Variants in ATG14 observed in about 807,000 individuals in gnomAD.
ATG14 encodes the protein beclin 1-associated autophagy-related key regulator.
In ATG14, 35 loss-of-function variants were observed where a neutral mutation model predicts 60.4. The observed-to-expected ratio is 0.58, with a 90% CI of 0.44 to 0.77. The LOEUF is 0.77. Ranked by LOEUF, ATG14 falls within the 30% of genes least tolerant of loss-of-function variation. The pLI is 0.00. For synonymous variants in ATG14, 234 were observed against 228.8 expected, an observed-to-expected ratio of 1.02 and a Z score of -0.21; for missense variants, 647 against 626.3, an observed-to-expected ratio of 1.03 and a Z score of -0.35.
At chr14:55,379,861 C>G (rs572128692) in intron 7 of ATG14, among the ~76,000 whole-genome samples, 9 of 152,324 alleles carry the variant, frequency 5.9e-5, no homozygotes, top group Admixed American at 5.2e-4. Context: ...AGCTGGGATA[C>G]AGGCGCAGGC....
chr14:55,404,194 C>T (rs535376091), intron 1 of ATG14, among the ~76,000 whole-genome samples: 8 of 152,288 alleles, frequency 5.3e-5, no homozygotes, highest in African/African-American at 1.9e-4. Context: ...ACTACAAATT[C>T]ATCTGAAAAA....
intron 4 of ATG14, among the ~76,000 whole-genome samples, chr14:55,387,112 G>A (rs1234230398): frequency 6.6e-6 from 1 of 151,744 alleles, no homozygotes; most frequent in Non-Finnish European, 1.5e-5. Flanking sequence ...TCGACTCCAC[G>A]CCTTCATGCC....
intron 1 of ATG14, among the ~76,000 whole-genome samples, chr14:55,400,023 T>C (rs2140147586): frequency 6.6e-6 from 1 of 152,348 alleles, no homozygotes; most frequent in South Asian, 2.1e-4. Flanking sequence ...AAACAGCAAT[T>C]ACTTTTGCAC....
At chr14:55,383,242 G>GA (rs558554382) in intron 5 of ATG14, among the ~76,000 whole-genome samples, 8,673 of 151,726 alleles carry the variant, frequency 0.057, 304 homozygotes, top group South Asian at 0.088. Flanking sequence ...ATATTCGGGG[G>GA]AAAAAAAGAA....
chr14:55,386,799 G>T (rs1885132682), intron 4 of ATG14, among the ~76,000 whole-genome samples: 1 of 152,158 alleles, frequency 6.6e-6, no homozygotes. Context: ...ACCTGCTAGG[G>T]CTGTTGGGCT....
chr14:55,385,818 AC>A, intron 5 of ATG14, 40 bp downstream of exon 5: 2 of 1,493,628 alleles, frequency 1.3e-6, no homozygotes, highest in Non-Finnish European at 1.8e-6. Context: ...AGTATTTGGA[AC>A]TTGATCTATT....
chr14:55,370,316 T>A (rs550031465), intron 9 of ATG14, among the ~76,000 whole-genome samples: 22 of 152,242 alleles, frequency 1.4e-4, no homozygotes, highest in Non-Finnish European at 2.9e-4. Context: ...AGCCACTTGA[T>A]GTATACTCTG....
rs368639112 is a variant in ATG14 at position 55,390,900 on chromosome 14, G to A, written c.409+11C>T. On this transcript the variant is annotated intron_variant, in intron 4 of 9. Transcript: ENST00000247178. Reference sequence around the variant, plus strand: ...TTTCTAGGGCTGGAAGGAAGGACACGAATTACTTACTTTTCTCCATTTCTT... The same window carrying A: ...TTTCTAGGGCTGGAAGGAAGGACACAAATTACTTACTTTTCTCCATTTCTT... 3.3e-5 allele frequency: 52 copies of A among 1,554,672 alleles called. No homozygotes were observed. Among genetic ancestry groups the A allele is most frequent in the African/African-American group, 1.1e-4 (8 of 73,944 alleles).
intron 9 of ATG14, among the ~76,000 whole-genome samples, chr14:55,372,223 TC>T (rs768858735): frequency 1.3e-5 from 2 of 152,112 alleles, no homozygotes; most frequent in Non-Finnish European, 2.9e-5. Context: ...CTACCTGTTA[TC>T]ATTAAATAAG....
chr14:55,380,555 C>A lies in ATG14; in HGVS notation c.995+18G>T. The stretch of plus-strand genomic sequence containing the variant: ...AAGAGCCATGATAAAGATGACATTA[C>A]CACCTTCAATTACTTGCCTGTTGCA... On this transcript the variant is annotated intron_variant, in intron 7 of 9. Coordinates refer to ENST00000247178, the MANE Select transcript of ATG14 (RefSeq NM_014924.5). 3 of 1,488,590 alleles carry A rather than the reference C, an allele frequency of 2.0e-6. No homozygotes were observed. Among genetic ancestry groups the A allele is most frequent in the South Asian group, 1.2e-5 (1 of 86,026 alleles). The allele number at this position is 1,488,590 out of a possible 1,614,324, so 92.2% of individuals were successfully genotyped here. A position where few individuals can be genotyped will look rare whatever the true frequency, so the allele number is the denominator to read the frequency against.
chr14:55,380,817 T>C (rs1885017190), intron 6 of ATG14, 127 bp from the exon 7 acceptor site: 1 of 389,340 alleles, frequency 2.6e-6, no homozygotes, highest in Non-Finnish European at 4.6e-6. Context: ...CCTTAATAGA[T>C]GCTCCATGAC....
At chr14:55,391,044 A>T (rs747949426) in intron 3 of ATG14, 52 bp from the exon 4 acceptor site, 94 of 1,221,360 alleles carry the variant, frequency 7.7e-5, no homozygotes, top group South Asian at 3.1e-4. Context: ...TATGGTTAAT[A>T]TGATTATCTA....
intron 5 of ATG14, among the ~76,000 whole-genome samples, chr14:55,384,468 T>C (rs539880794): frequency 6.6e-5 from 10 of 152,336 alleles, no homozygotes; most frequent in African/African-American, 2.4e-4. Context: ...AATATCTCTT[T>C]TGGGGTTCAG....
chr14:55,395,977 A>T lies in ATG14; in HGVS notation c.290T>A (p.Leu97Ter). 6.3e-7 allele frequency: 1 copy of T among 1,588,836 alleles called. No individual in the cohort carries two copies. The highest frequency in any genetic ancestry group is 1.8e-5 in the Admixed American group (1 of 55,896). The change falls in exon 3 of 10, where the codon TTA (leucine) becomes TAA (stop). Residue 97 changes from leucine (L) to a stop codon, truncating the protein, a stop_gained. Transcript: ENST00000247178. LOFTEE classifies it high-confidence loss of function. ...TATCCATTTTCCTTCCATAGCTTTTAACACTCTGTGAGGAAAAGAGACAGA... is the reference window on the plus strand; with the variant it reads ...TATCCATTTTCCTTCCATAGCTTTTTACACTCTGTGAGGAAAAGAGACAGA... Reference protein sequence around the residue: ...SKQEEFQKEVLKAMEGKWITD... With the variant: ...SKQEEFQKEV
At chr14:55,406,217 T>C (rs773983455) in intron 1 of ATG14, among the ~76,000 whole-genome samples, 2 of 152,140 alleles carry the variant, frequency 1.3e-5, no homozygotes, top group African/African-American at 2.4e-5. Context: ...AGCTAGTCTG[T>C]TAATGAAACC....
At chr14:55,388,910 T>C (rs1201983966) in intron 4 of ATG14, among the ~76,000 whole-genome samples, 1 of 152,074 alleles carries the variant, frequency 6.6e-6, no homozygotes, top group Non-Finnish European at 1.5e-5. Flanking sequence ...CCAGTCATGA[T>C]GAGAGGAGGA....
At chr14:55,372,856 G>C (rs1025829013) in intron 9 of ATG14, among the ~76,000 whole-genome samples, 1 of 152,122 alleles carries the variant, frequency 6.6e-6, no homozygotes, top group Non-Finnish European at 1.5e-5. Context: ...GGTGGACTCC[G>C]GTTCTCTGCG....
At position 55,367,223 on chromosome 14, in the gene ATG14, C is replaced by T. The variant is rs912169231; in HGVS notation, c.*2396G>A. The T allele has an allele frequency of 5.3e-5, 8 of 152,218 alleles. No individual in the cohort carries two copies. Among genetic ancestry groups the T allele is most frequent in the Non-Finnish European group, 1.2e-4 (8 of 68,040 alleles). 9.4% of individuals were successfully genotyped at this position (152,218 alleles called of 1,614,324 possible). A position where few individuals can be genotyped will look rare whatever the true frequency, so the allele number is the denominator to read the frequency against. On this transcript the variant is annotated 3_prime_UTR_variant, in exon 10 of 10. Transcript: ENST00000247178. ...TGTGCATCTCTCAGCTGAAGTCAGT[C>T]TCCACCACCAAGCTCCAAATCCCAC...
At chr14:55,407,547 G>A (rs1403930878) in intron 1 of ATG14, among the ~76,000 whole-genome samples, 2 of 152,236 alleles carry the variant, frequency 1.3e-5, no homozygotes, top group Non-Finnish European at 2.9e-5. Flanking sequence ...TTACAGGCAT[G>A]AGCCACTGCG....
Sources: gnomAD v4.1 joint callset for allele counts (sites outside exome capture counted in the v4.1 genomes callset) on GRCh38, gnomAD v4.1.1 for gene constraint, MANE v1.5 for transcripts, NCBI Gene and HGNC (gene_info 2026-07-23, HGNC 2026-07-21) for gene names.